DPP10: variants seen among roughly 807,000 people sequenced by gnomAD.
DPP10 encodes the protein inactive dipeptidyl peptidase 10.
DPP10 carries 33 observed loss-of-function variants against 120.9 expected under a neutral mutation model. The observed-to-expected ratio is 0.27, with a 90% CI of 0.21 to 0.37. The LOEUF (loss-of-function observed/expected upper bound fraction) is 0.37. DPP10 is among the 10% of genes least tolerant of loss of function. The pLI, the probability that DPP10 is intolerant of heterozygous loss-of-function variation, is 1.00. For synonymous variants in DPP10, 337 were observed against 326.1 expected (o/e 1.03, Z -0.36); for missense variants, 816 against 942.8 (o/e 0.87, Z 1.76).
intron 5 of DPP10, among the ~76,000 whole-genome samples, chr2:115,601,839 ATTT>A (rs34334965): frequency 8.9e-4 from 124 of 139,928 alleles, no homozygotes; most frequent in South Asian, 4.8e-3. Context: ...ATGCCTGGCT[ATTT>A]TTTTTTTTTT....
At chr2:114,462,207 C>A (rs1349148424) in intron 1 of DPP10, 5 of 968,240 alleles carry the variant, frequency 5.2e-6, no homozygotes, top group South Asian at 9.5e-5. Context: ...CGACAAGTTG[C>A]GAAGATTTTA....
chr2:115,759,175 C>T, intron 11 of DPP10, among the ~76,000 whole-genome samples: 1 of 151,892 alleles, frequency 6.6e-6, no homozygotes, highest in East Asian at 1.9e-4. Flanking sequence ...TAAAGAAATT[C>T]TATAACTCAA....
At chr2:114,610,067 G>A (rs1693157600) in intron 1 of DPP10, among the ~76,000 whole-genome samples, 1 of 152,184 alleles carries the variant, frequency 6.6e-6, no homozygotes, top group Non-Finnish European at 1.5e-5. Flanking sequence ...AGACTGCTCA[G>A]TATTTCACGG....
intron 22 of DPP10, 44 bp from the exon 23 acceptor site, chr2:115,836,463 T>G: frequency 6.3e-7 from 1 of 1,584,600 alleles, no homozygotes; most frequent in Non-Finnish European, 8.6e-7. Flanking sequence ...GCCAGTCAAA[T>G]AGTTTTTAGT....
chr2:114,812,468 G>A (rs1192861739), intron 1 of DPP10, among the ~76,000 whole-genome samples: 2 of 151,684 alleles, frequency 1.3e-5, no homozygotes, highest in Non-Finnish European at 2.9e-5. Flanking sequence ...TGTGCCTGTC[G>A]TTCCAGCTAC....
At chr2:115,794,016 T>A (rs1250395707) in intron 19 of DPP10, among the ~76,000 whole-genome samples, 1 of 152,288 alleles carries the variant, frequency 6.6e-6, no homozygotes, top group Non-Finnish European at 1.5e-5. Flanking sequence ...AAAGCCATAT[T>A]TTTTCTCAAG....
In DPP10 at chr2:114,971,432, T is replaced by G. The variant is rs191689492; in HGVS notation, c.61-337807T>G. ...AATCACCACCACTTGCTCACTTATATTTTGAATCTGTTTTAGAAAACATAA... is the reference window on the plus strand; with the variant it reads ...AATCACCACCACTTGCTCACTTATAGTTTGAATCTGTTTTAGAAAACATAA... On this transcript the variant is annotated intron_variant, in intron 1 of 25. Coordinates refer to ENST00000410059, the MANE Select transcript of DPP10 (RefSeq NM_020868.6). Among the ~76,000 whole-genome samples the G allele has an allele frequency of 3.9e-5, 6 of 152,304 alleles. No homozygotes were observed. The East Asian group carries it at 1.2e-3, about 29-fold the overall frequency.
At chr2:115,757,186 A>G (rs976251479) in intron 11 of DPP10, among the ~76,000 whole-genome samples, 4 of 152,058 alleles carry the variant, frequency 2.6e-5, no homozygotes, top group African/African-American at 9.7e-5. Flanking sequence ...TTCAACTAAT[A>G]TTATAAGAGT....
In DPP10 at chr2:114,513,521, C is replaced by CAAAAAAAAA. The variant is rs10712243; in HGVS notation, c.60+70697_60+70705dup. 1.2e-4 allele frequency among the ~76,000 whole-genome samples: 9 copies of CAAAAAAAAA among 74,960 alleles called. 1 individual carries two copies. Among genetic ancestry groups the CAAAAAAAAA allele is most frequent in the Non-Finnish European group, 1.2e-4 (5 of 40,606 alleles). 49.2% of individuals were successfully genotyped at this position (74,960 alleles called of 152,430 possible). On this transcript the variant is annotated intron_variant, in intron 1 of 25. Coordinates refer to ENST00000410059, the MANE Select transcript of DPP10 (RefSeq NM_020868.6). ...GGGCAACAAGAGTGAAACTCTACCT[C>CAAAAAAAAA]AAAAAAAAAAAAAAAAAAAAAAGAA...
chr2:114,994,038 T>A (rs552846751), intron 1 of DPP10, among the ~76,000 whole-genome samples: 1 of 152,236 alleles, frequency 6.6e-6, no homozygotes, highest in East Asian at 1.9e-4. Context: ...GGAACTGACA[T>A]CAACTTTATT....
chr2:115,789,140 A>G (rs992132036), intron 17 of DPP10, among the ~76,000 whole-genome samples: 1 of 152,084 alleles, frequency 6.6e-6, no homozygotes, highest in Non-Finnish European at 1.5e-5. Flanking sequence ...AAAATAAAAA[A>G]TAAGGCGAGT....
At chr2:115,414,368 C>T (rs941373315) in intron 3 of DPP10, among the ~76,000 whole-genome samples, 4 of 152,036 alleles carry the variant, frequency 2.6e-5, no homozygotes, top group East Asian at 1.9e-4. Context: ...GGCTAGTTTC[C>T]GCCATGCTCT....
intron 1 of DPP10, among the ~76,000 whole-genome samples, chr2:115,241,819 A>G (rs1026533063): frequency 2.0e-5 from 3 of 152,218 alleles, no homozygotes; most frequent in Admixed American, 6.5e-5. Context: ...AAATCCTTCT[A>G]TACCTCAGAA....
At chr2:114,640,573 G>A (rs968797629) in intron 1 of DPP10, among the ~76,000 whole-genome samples, 7 of 151,700 alleles carry the variant, frequency 4.6e-5, no homozygotes, top group Non-Finnish European at 1.0e-4. Flanking sequence ...AGGCTCTAGC[G>A]GCCATCAGAT....
chr2:114,457,407 T>C (rs1397881034), intron 1 of DPP10, among the ~76,000 whole-genome samples: 2 of 152,174 alleles, frequency 1.3e-5, no homozygotes, highest in Non-Finnish European at 2.9e-5. Flanking sequence ...GGGAGCAGAA[T>C]TAACCACTGG....
At chr2:115,518,743 T>G (rs558949767) in intron 4 of DPP10, among the ~76,000 whole-genome samples, 1 of 152,256 alleles carries the variant, frequency 6.6e-6, no homozygotes, top group African/African-American at 2.4e-5. Context: ...AACTTTCTAC[T>G]GGGCAGCTCC....
Position 115,581,694 on chromosome 2 carries a change from G to A in DPP10, c.441+55722G>A, listed in dbSNP as rs147171359. 2.6e-5 allele frequency among the ~76,000 whole-genome samples: 4 copies of A among 152,150 alleles called. No individual in the cohort carries two copies. The East Asian group carries it at 7.8e-4, about 29-fold the overall frequency. ...GTACCAAAGGGTTTTAGGAAGTTGA[G>A]CAAGAAGACCCCCTGGTCATTTGGG... On this transcript the variant is annotated intron_variant, in intron 5 of 25. Transcript: ENST00000410059.
At chr2:115,033,697 CTTT>C (rs10693499) in intron 1 of DPP10, among the ~76,000 whole-genome samples, 5 of 137,950 alleles carry the variant, frequency 3.6e-5, no homozygotes, top group Admixed American at 1.5e-4. Flanking sequence ...ATCTTCCCTC[CTTT>C]TTTTTTTTTT....
chr2:115,701,715 A>G (rs1007780339), intron 7 of DPP10, among the ~76,000 whole-genome samples: 1 of 152,126 alleles, frequency 6.6e-6, no homozygotes, highest in Non-Finnish European at 1.5e-5. Flanking sequence ...AGAGGTTAAT[A>G]TAGAGGAATA....
Sources: gnomAD v4.1 joint callset for allele counts (sites outside exome capture counted in the v4.1 genomes callset) on GRCh38, gnomAD v4.1.1 for gene constraint, MANE v1.5 for transcripts, NCBI Gene and HGNC (gene_info 2026-07-23, HGNC 2026-07-21) for gene names.